Variants in TCP10L observed in about 807,000 individuals in gnomAD.
TCP10L encodes the protein t-complex 10 like, also known as T-complex protein 10A homolog 1.
Under a neutral mutation model 19.2 loss-of-function variants are expected in TCP10L, and 11 were observed. The ratio of observed to expected loss-of-function variants is 0.57; its 90% CI spans 0.36 to 0.95. The LOEUF (loss-of-function observed/expected upper bound fraction) is 0.95, where lower values mean the gene tolerates loss of function less well. TCP10L is among the 40% of genes least tolerant of loss of function. The pLI, the probability that TCP10L is intolerant of heterozygous loss-of-function variation, is 0.01. For synonymous variants in TCP10L, 96 were observed against 97.2 expected (o/e 0.99, Z 0.07); for missense variants, 247 against 263.9 (o/e 0.94, Z 0.44).
rs2038423440 is a variant in TCP10L, at chr21:32,575,662, G to T, written c.*1112C>A. On this transcript the variant is annotated 3_prime_UTR_variant, in exon 5 of 5. Coordinates refer to ENST00000300258, the MANE Select transcript of TCP10L (RefSeq NM_144659.7). The stretch of plus-strand genomic sequence containing the variant: ...CAAGATAGGTTCCTGCAGAGGTCGT[G>T]AAGCTGCTGTGGTCATTTGCTGGCA... The T allele has an allele frequency of 6.5e-6, 1 of 153,264 alleles. No homozygotes were observed. Among genetic ancestry groups the T allele is most frequent in the Non-Finnish European group, 1.5e-5 (1 of 68,490 alleles). 9.5% of individuals were successfully genotyped at this position (153,264 alleles called of 1,614,324 possible). A position where few individuals can be genotyped will look rare whatever the true frequency, so the allele number is the denominator to read the frequency against.
intron 2 of TCP10L, 113 bp downstream of exon 2, chr21:32,584,048 G>A: frequency 1.4e-6 from 2 of 1,385,536 alleles, no homozygotes; most frequent in Non-Finnish European, 9.7e-7. Flanking sequence ...GTGTCCCGGG[G>A]TGGTGCATTC....
In TCP10L at chr21:32,584,213, G is replaced by C. The variant is rs776699846; in HGVS notation, c.92C>G (p.Thr31Arg). The C allele has an allele frequency of 6.2e-7, 1 of 1,614,130 alleles. No individual in the cohort carries two copies. Residue 31 changes from threonine to arginine, a missense_variant, in exon 2 of 5, where the codon ACA (threonine) becomes AGA (arginine). Thr to Arg is a moderately conservative substitution (Grantham distance 71). Transcript: ENST00000300258. Reference protein sequence around the residue: ...CPGAGAVMEKTAVAAEVLTED... With the variant: ...CPGAGAVMEKRAVAAEVLTED... ...CGTGAGAACCTCGGCTGCCACAGCT[G>C]TCTTCTCCATGACAGCCCCAGCTCC...
chr21:32,577,937 G>A (rs2038452813), intron 4 of TCP10L, among the ~76,000 whole-genome samples: 1 of 152,176 alleles, frequency 6.6e-6, no homozygotes, highest in Non-Finnish European at 1.5e-5. Flanking sequence ...GAAACAAAGG[G>A]ATGGGCCAAA....
At chr21:32,577,756 G>C (rs571198414) in intron 4 of TCP10L, 2 of 152,214 alleles carry the variant, frequency 1.3e-5, no homozygotes, top group African/African-American at 4.8e-5. Context: ...CAGTGCTAGA[G>C]GAATTAAAGA....
At chr21:32,579,516 A>T (rs575348414) in intron 3 of TCP10L, among the ~76,000 whole-genome samples, 1 of 152,306 alleles carries the variant, frequency 6.6e-6, no homozygotes, top group African/African-American at 2.4e-5. Flanking sequence ...TCGCATATTT[A>T]AAGTGTGGGA....
In TCP10L at chr21:32,578,778, T is replaced by C; in HGVS notation, c.414A>G (p.Thr138=). The C allele has an allele frequency of 1.2e-6, 2 of 1,614,212 alleles. No homozygotes were observed. Among genetic ancestry groups the C allele is most frequent in the Non-Finnish European group, 1.7e-6 (2 of 1,180,042 alleles). ...TCTTGTGGCCAGCGTATTTGGGTAT[T>C]GTCTCTTCATCAGCTGACAGAGGTG... ...KISPLSADEE[T]IPKYAGHKNQ... The change falls in exon 4 of 5, where the codon ACA becomes ACG. Residue 138 remains threonine (T), a synonymous_variant. Coordinates refer to ENST00000300258, the MANE Select transcript of TCP10L (RefSeq NM_144659.7). The surrounding 1 kb of genome is among the most constrained non-coding windows in gnomAD (Gnocchi z 4.2).
At chr21:32,576,965 A>G (rs753668939) in intron 4 of TCP10L, 42 bp from the exon 5 acceptor site, 2 of 1,578,040 alleles carry the variant, frequency 1.3e-6, no homozygotes, top group Non-Finnish European at 1.7e-6. Context: ...AGTAACAATT[A>G]TATTATTTTT....
In TCP10L at chr21:32,582,390, A is replaced by C. The variant is rs886580033; in HGVS notation, c.170T>G (p.Leu57Arg). 6.2e-7 allele frequency: 1 copy of C among 1,613,320 alleles called. No individual in the cohort carries two copies. Among genetic ancestry groups the C allele is most frequent in the Non-Finnish European group, 8.5e-7 (1 of 1,179,866 alleles). The change falls in exon 3 of 5, where the codon CTC becomes CGC. Residue 57 changes from leucine to arginine, a missense_variant. Coordinates refer to ENST00000300258, the MANE Select transcript of TCP10L (RefSeq NM_144659.7). The surrounding 1 kb of genome is among the most constrained non-coding windows in gnomAD (Gnocchi z 4.2). The stretch of plus-strand genomic sequence containing the variant: ...CTTCTGTCTCCCAAGCTCTTGGTGG[A>C]GTCTGATGATCTGCTGCTGTAATGG... ...MPPLQQQIIR[L>R]HQELGRQKSL...
intron 1 of TCP10L, 122 bp from the exon 2 acceptor site, chr21:32,584,427 C>G: frequency 7.2e-7 from 1 of 1,386,912 alleles, no homozygotes; most frequent in Non-Finnish European, 9.5e-7. Flanking sequence ...TCCTTCTCCC[C>G]CTGGGTCATG....
chr21:32,577,926 G>GGAAACAAAGGGATGGGCC (rs1242468463), intron 4 of TCP10L, among the ~76,000 whole-genome samples: 66 of 152,304 alleles, frequency 4.3e-4, no homozygotes, highest in Non-Finnish European at 5.9e-5. Flanking sequence ...ATTCCTTATG[G>GGAAACAAAGGGATGGGCC]GAAACAAAGG....
chr21:32,583,951 C>A (rs2038527961), intron 2 of TCP10L, among the ~76,000 whole-genome samples: 1 of 152,220 alleles, frequency 6.6e-6, no homozygotes, highest in Non-Finnish European at 1.5e-5. Context: ...TTTTCTTTAA[C>A]TCCCTGCCCT....
At position 32,578,830 on chromosome 21, in the gene TCP10L, G is replaced by A. The variant is rs1204964082; in HGVS notation, c.362C>T (p.Ala121Val). The A allele has an allele frequency of 6.2e-7, 1 of 1,614,094 alleles. No homozygotes were observed. ...AATTTTTCCAAAAGCAGGTTCCAAT[G>A]CCTAAAAGACAAAATGCAGGGAAAT... ...PHAGQESHTL[A>V]LEPAFGKISP... The change falls in exon 4 of 5, where the codon GCA (alanine) becomes GTA (valine). Residue 121 changes from alanine (A) to valine (V), a missense_variant and splice_region_variant. Transcript: ENST00000300258. This position sits in a 1 kb window ranked among gnomAD's most constrained non-coding sequence, Gnocchi z 4.2.
Position 32,576,528 on chromosome 21 carries a change from G to C in TCP10L, c.*246C>G. 1.6e-6 allele frequency: 1 copy of C among 608,170 alleles called. No homozygotes were observed. Among genetic ancestry groups the C allele is most frequent in the Non-Finnish European group, 2.8e-6 (1 of 356,456 alleles). The allele number at this position is 608,170 out of a possible 1,614,324, so 37.7% of individuals were successfully genotyped here. A position where few individuals can be genotyped will look rare whatever the true frequency, so the allele number is the denominator to read the frequency against. ...ACTCTGCAGAAATATACCAACTACA[G>C]AGCTCAGGAAAGCAACTGATTTATA... On this transcript the variant is annotated 3_prime_UTR_variant, in exon 5 of 5. Transcript: ENST00000300258.
At chr21:32,583,461 C>T (rs3900879) in intron 2 of TCP10L, among the ~76,000 whole-genome samples, 3,247 of 150,390 alleles carry the variant, frequency 0.022, 48 homozygotes, top group Middle Eastern at 0.038. Context: ...TAGTGGCGGG[C>T]GCCTGTAGTC....
intron 2 of TCP10L, among the ~76,000 whole-genome samples, chr21:32,583,740 C>T (rs1018226926): frequency 6.6e-6 from 1 of 152,178 alleles, no homozygotes; most frequent in Non-Finnish European, 1.5e-5. Flanking sequence ...CAGTCCTGCA[C>T]TGGGTGGCCC....
rs561419669 is a variant in TCP10L, at chr21:32,576,432, T to C, written c.*342A>G. 2.5e-6 allele frequency: 2 copies of C among 794,006 alleles called. No homozygotes were observed. Among genetic ancestry groups the C allele is most frequent in the South Asian group, 1.9e-5 (1 of 52,442 alleles). 49.2% of individuals were successfully genotyped at this position (794,006 alleles called of 1,614,324 possible). A position where few individuals can be genotyped will look rare whatever the true frequency, so the allele number is the denominator to read the frequency against. ...AAGCCATCTTCAGCCATCCTCGATT[T>C]CCAGCAAGACCCCAGGGCTCACCCA... On this transcript the variant is annotated 3_prime_UTR_variant, in exon 5 of 5. Transcript: ENST00000300258.
At position 32,576,161 on chromosome 21, in the gene TCP10L, G is replaced by C; in HGVS notation, c.*613C>G. The stretch of plus-strand genomic sequence containing the variant: ...TCTGCTCACGCGTATCCACGAGAAA[G>C]CCCCGCATTTCACGGGGAGCATAGA... On this transcript the variant is annotated 3_prime_UTR_variant, in exon 5 of 5. Transcript: ENST00000300258. 9.4e-7 allele frequency: 1 copy of C among 1,061,214 alleles called. No homozygotes were observed. The highest frequency in any genetic ancestry group is 1.4e-6 in the Non-Finnish European group (1 of 730,470). The allele number at this position is 1,061,214 out of a possible 1,614,324, so 65.7% of individuals were successfully genotyped here.
Position 32,576,058 on chromosome 21 carries a change from C to A in TCP10L, c.*716G>T. 2.2e-6 allele frequency: 1 copy of A among 461,014 alleles called. No homozygotes were observed. Among genetic ancestry groups the A allele is most frequent in the Non-Finnish European group, 3.9e-6 (1 of 255,764 alleles). The allele number at this position is 461,014 out of a possible 1,614,324, so 28.6% of individuals were successfully genotyped here. ...GTTGGCAAGTCTCACAGGTGAGGAC[C>A]CAACGAGGGAATCAGACAAAAAGTG... On this transcript the variant is annotated 3_prime_UTR_variant, in exon 5 of 5. Coordinates refer to ENST00000300258, the MANE Select transcript of TCP10L (RefSeq NM_144659.7).
chr21:32,582,575 T>TG lies in TCP10L; in HGVS notation c.145-161_145-160insC, dbSNP rs2038508046. On this transcript the variant is annotated intron_variant, in intron 2 of 4. Transcript: ENST00000300258. The surrounding 1 kb of genome is among the most constrained non-coding windows in gnomAD (Gnocchi z 4.2). ...AGGACTACCACAGCCTTTTTCTTTC[T>TG]TCTTTCTTTCCTTTCTTTCTTTCTT... is the stretch of plus-strand genomic sequence containing the variant. 2 of 612,836 alleles carry TG rather than the reference T, an allele frequency of 3.3e-6. No homozygotes were observed. Among genetic ancestry groups the TG allele is most frequent in the South Asian group, 2.3e-5 (1 of 43,728 alleles). 38.0% of individuals were successfully genotyped at this position (612,836 alleles called of 1,614,324 possible).
Sources: gnomAD v4.1 joint callset for allele counts (sites outside exome capture counted in the v4.1 genomes callset) on GRCh38, gnomAD v4.1.1 for gene constraint, Gnocchi (gnomAD v3.1) non-coding constraint, MANE v1.5 for transcripts, NCBI Gene and HGNC (gene_info 2026-07-23, HGNC 2026-07-21) for gene names.